The following CRX variants were observed in gnomAD, a reference collection of about 807,000 sequenced individuals.
The protein encoded by CRX is cone-rod homeobox, also known as cone-rod homeobox protein.
Under a neutral mutation model 13.1 loss-of-function variants are expected in CRX, and 5 were observed. The ratio of observed to expected loss-of-function variants is 0.38; its 90% CI spans 0.20 to 0.80. The LOEUF (loss-of-function observed/expected upper bound fraction) is 0.80, where lower values mean the gene tolerates loss of function less well. CRX is among the 30% of genes least tolerant of loss of function. The pLI, the probability that CRX is intolerant of heterozygous loss-of-function variation, is 0.43. For missense variants in CRX, 351 were observed against 391.8 expected, an observed-to-expected ratio of 0.90 and a Z score of 0.88; for synonymous variants, 179 against 171.1, an observed-to-expected ratio of 1.05 and a Z score of -0.36.
chr19:47,828,293 C>A (rs1040528201), intron 1 of CRX, among the ~76,000 whole-genome samples: 29 of 151,874 alleles, frequency 1.9e-4, no homozygotes, highest in African/African-American at 6.5e-4. Context: ...GGAAGGCATT[C>A]AAAAAATATT....
chr19:47,840,093 C>A lies in CRX; in HGVS notation c.*126C>A. 1 of 1,132,194 alleles carries A rather than the reference C, an allele frequency of 8.8e-7. No individual in the cohort carries two copies. The highest frequency in any genetic ancestry group is 1.3e-6 in the Non-Finnish European group (1 of 779,256). The allele number at this position is 1,132,194 out of a possible 1,614,324, so 70.1% of individuals were successfully genotyped here. A position where few individuals can be genotyped will look rare whatever the true frequency, so the allele number is the denominator to read the frequency against. On this transcript the variant is annotated 3_prime_UTR_variant, in exon 4 of 4. Transcript: ENST00000221996. The stretch of plus-strand genomic sequence containing the variant: ...CAACCCGAACCAGCTGTCCTTCTGA[C>A]AGCTCGGTGTTCAGCTTACAGAGAC...
chr19:47,828,612 AGCGTGT>A (rs1002622968), intron 1 of CRX, among the ~76,000 whole-genome samples: 5 of 149,506 alleles, frequency 3.3e-5, no homozygotes, highest in African/African-American at 5.0e-5. Context: ...GGAGGTAGGG[AGCGTGT>A]GTGTGTGTGT....
intron 1 of CRX, among the ~76,000 whole-genome samples, chr19:47,826,849 A>C (rs1165933953): frequency 6.6e-6 from 1 of 152,152 alleles, no homozygotes; most frequent in Non-Finnish European, 1.5e-5. Context: ...AGGGTGTTCC[A>C]TGTGGTTGTG....
intron 3 of CRX, among the ~76,000 whole-genome samples, chr19:47,838,402 TTGTA>T (rs1327320787): frequency 2.2e-4 from 34 of 152,072 alleles, no homozygotes; most frequent in Non-Finnish European, 4.4e-5. Flanking sequence ...GTCTGCATGA[TTGTA>T]TGTATGGATT....
intron 1 of CRX, among the ~76,000 whole-genome samples, chr19:47,828,051 G>T (rs989498832): frequency 6.6e-6 from 1 of 151,518 alleles, no homozygotes; most frequent in African/African-American, 2.4e-5. Flanking sequence ...CTACTTGGGA[G>T]GCTGAGGCAG....
intron 1 of CRX, among the ~76,000 whole-genome samples, chr19:47,833,679 A>G (rs1198148185): frequency 6.6e-6 from 1 of 152,168 alleles, no homozygotes; most frequent in Non-Finnish European, 1.5e-5. Flanking sequence ...CTGTGTTCCA[A>G]GAAACACCCA....
chr19:47,827,053 G>A (rs999653529), intron 1 of CRX, among the ~76,000 whole-genome samples: 3 of 152,262 alleles, frequency 2.0e-5, no homozygotes, highest in South Asian at 2.1e-4. Flanking sequence ...TGGAAGCCAC[G>A]CTCTGTCATT....
At chr19:47,831,033 G>A (rs12979389) in intron 1 of CRX, among the ~76,000 whole-genome samples, 74,897 of 151,268 alleles carry the variant, frequency 0.5, 19,082 homozygotes, top group Middle Eastern at 0.62. Context: ...AACAGACCGG[G>A]TGTAGTGGCT....
intron 1 of CRX, among the ~76,000 whole-genome samples, chr19:47,829,408 T>G (rs1038966050): frequency 1.3e-5 from 2 of 152,322 alleles, no homozygotes; most frequent in Middle Eastern, 3.4e-3. Context: ...CTCGGCTCAC[T>G]GCAACCTCTG....
At chr19:47,830,701 CAGG>C (rs1233166570) in intron 1 of CRX, among the ~76,000 whole-genome samples, 1 of 151,268 alleles carries the variant, frequency 6.6e-6, no homozygotes, top group East Asian at 1.9e-4. Context: ...GAAGCTGAGG[CAGG>C]AGAATAACTT....
chr19:47,832,630 C>T (rs555346079), intron 1 of CRX, among the ~76,000 whole-genome samples: 5 of 151,832 alleles, frequency 3.3e-5, no homozygotes, highest in Middle Eastern at 3.4e-3. Context: ...GGACTACAGG[C>T]GTGCACCCCT....
In CRX at chr19:47,839,469, C is replaced by A. The variant is rs926545617; in HGVS notation, c.402C>A (p.Asp134Glu). Residue 134 changes from aspartate (D) to glutamate (E), a missense_variant, in exon 4 of 4, where the codon GAC (aspartate) becomes GAA (glutamate). Transcript: ENST00000221996. This position sits in a 1 kb window ranked among gnomAD's most constrained non-coding sequence, Gnocchi z 4.6. ...GACCCTCCACAGATGTGTGTCCAGACCCTCTGGGCATCTCAGATTCCTACA... is the reference window on the plus strand; with the variant it reads ...GACCCTCCACAGATGTGTGTCCAGAACCTCTGGGCATCTCAGATTCCTACA... The part of the protein sequence containing the change: ...SPRPSTDVCP[D>E]PLGISDSYSP... 3 of 1,614,028 alleles carry A rather than the reference C, an allele frequency of 1.9e-6. No individual in the cohort carries two copies. Among genetic ancestry groups the A allele is most frequent in the Non-Finnish European group, 2.5e-6 (3 of 1,179,948 alleles).
At chr19:47,827,537 C>CTTTTTTTTTTTT (rs71180887) in intron 1 of CRX, among the ~76,000 whole-genome samples, 1 of 90,354 alleles carries the variant, frequency 1.1e-5, no homozygotes, top group Non-Finnish European at 2.1e-5. Flanking sequence ...TTTCTGAAGG[C>CTTTTTTTTTTTT]TTTTTTTTTT....
intron 3 of CRX, among the ~76,000 whole-genome samples, chr19:47,838,263 T>C (rs1968143871): frequency 6.6e-6 from 1 of 151,944 alleles, no homozygotes; most frequent in Admixed American, 6.6e-5. Flanking sequence ...ATGTTTGCAT[T>C]AGATGGATAA....
chr19:47,835,290 C>G (rs12983613), intron 2 of CRX, among the ~76,000 whole-genome samples: 2 of 151,546 alleles, frequency 1.3e-5, no homozygotes, highest in African/African-American at 4.9e-5. Flanking sequence ...ACTCTTGGGT[C>G]CAAATAATCC....
intron 1 of CRX, among the ~76,000 whole-genome samples, chr19:47,822,740 C>G (rs1820798596): frequency 6.6e-6 from 1 of 152,198 alleles, no homozygotes; most frequent in Admixed American, 6.6e-5. Context: ...CCTCACGCCC[C>G]CGCCCTCTTA....
rs541765428 is a variant in CRX, at chr19:47,831,546, T to C, written c.-35-2863T>C. ...CTAGGTTGTACACTCCTTATGAAAA[T>C]CTAAGGCACTGCCCACTCCCATCCA... On this transcript the variant is annotated intron_variant, in intron 1 of 3. Transcript: ENST00000221996. 2.0e-5 allele frequency among the ~76,000 whole-genome samples: 3 copies of C among 151,904 alleles called. No individual in the cohort carries two copies. The East Asian group carries it at 5.8e-4, about 29-fold the overall frequency.
At chr19:47,834,743 G>C (rs565265010) in intron 2 of CRX, among the ~76,000 whole-genome samples, 200 bp downstream of exon 2, 17 of 152,244 alleles carry the variant, frequency 1.1e-4, no homozygotes, top group African/African-American at 3.6e-4. Flanking sequence ...TTCCTTTTGG[G>C]GTGAGGAAGA....
intron 1 of CRX, among the ~76,000 whole-genome samples, chr19:47,827,700 T>C (rs1967991559): frequency 6.7e-6 from 1 of 149,620 alleles, no homozygotes; most frequent in South Asian, 2.1e-4. Context: ...ATTTTTGTAT[T>C]TTAGTAGAGA....
Sources: allele counts gnomAD v4.1 joint callset (sites outside exome capture counted in the v4.1 genomes callset), GRCh38; gene constraint gnomAD v4.1.1; non-coding constraint Gnocchi (gnomAD v3.1); transcripts MANE v1.5; gene names NCBI Gene and HGNC (gene_info 2026-07-23, HGNC 2026-07-21).